DYNC1I2: variants seen among roughly 807,000 people sequenced by gnomAD.
DYNC1I2 encodes cytoplasmic dynein 1 intermediate chain 2.
A neutral mutation model predicts 88.6 loss-of-function variants in DYNC1I2; 53 were observed. The ratio of observed to expected loss-of-function variants is 0.60; its 90% CI spans 0.48 to 0.75. The LOEUF (loss-of-function observed/expected upper bound fraction) is 0.75. DYNC1I2 is among the 30% of genes least tolerant of loss of function. The pLI, the probability that DYNC1I2 is intolerant of heterozygous loss-of-function variation, is 0.00. For missense variants in DYNC1I2, 458 were observed against 766.6 expected (o/e 0.60, Z 4.75); for synonymous variants, 198 against 254.6 (o/e 0.78, Z 2.12).
chr2:171,716,014 T>C (rs1378318078), intron 7 of DYNC1I2, among the ~76,000 whole-genome samples: 1 of 152,170 alleles, frequency 6.6e-6, no homozygotes. Flanking sequence ...GGAGACCCTT[T>C]GGTTCTTAAA....
chr2:171,727,679 T>G, intron 11 of DYNC1I2, 142 bp from the exon 12 acceptor site: 3 of 633,516 alleles, frequency 4.7e-6, no homozygotes, highest in Non-Finnish European at 7.2e-6. Flanking sequence ...GTGAAAACTT[T>G]TAATTAATTT....
chr2:171,728,594 T>G, intron 13 of DYNC1I2, 123 bp from the exon 14 acceptor site: 1 of 982,128 alleles, frequency 1.0e-6, no homozygotes, highest in Non-Finnish European at 1.4e-6. Flanking sequence ...TGAAACCTGC[T>G]TCATTTAATT....
intron 4 of DYNC1I2, 150 bp downstream of exon 4, chr2:171,706,714 C>A: frequency 1.5e-6 from 1 of 645,444 alleles, no homozygotes; most frequent in South Asian, 2.3e-5. Flanking sequence ...GGAGCCATTC[C>A]TTTAGCTGCA....
intron 3 of DYNC1I2, among the ~76,000 whole-genome samples, chr2:171,700,508 T>C (rs938116390): frequency 6.6e-6 from 1 of 152,224 alleles, no homozygotes; most frequent in African/African-American, 2.4e-5. Flanking sequence ...AAAGGCATTT[T>C]AATAGAGTTT....
intron 3 of DYNC1I2, among the ~76,000 whole-genome samples, chr2:171,700,337 G>A (rs1032087033): frequency 2.0e-5 from 3 of 152,174 alleles, no homozygotes; most frequent in African/African-American, 7.2e-5. Context: ...AGATTTGGAA[G>A]TCACAAAGCA....
At chr2:171,729,683 T>C in intron 14 of DYNC1I2, 26 bp from the exon 15 acceptor site, 1 of 1,611,382 alleles carries the variant, frequency 6.2e-7, no homozygotes, top group Non-Finnish European at 8.5e-7. Flanking sequence ...GAGACTTCTC[T>C]AACATTTTCA....
At chr2:171,706,471 A>G (rs887405127) in intron 3 of DYNC1I2, 76 bp from the exon 4 acceptor site, 2 of 1,260,838 alleles carry the variant, frequency 1.6e-6, no homozygotes, top group South Asian at 1.2e-5. Context: ...TTTATATACT[A>G]TGAAAAATGT....
rs1012928958 is a variant in DYNC1I2 at position 171,729,747 on chromosome 2, G to A, written c.1430G>A (p.Gly477Glu). The change falls in exon 15 of 18, where the codon GGA (glycine) becomes GAA (glutamate). Residue 477 changes from glycine (G) to glutamate (E), a missense_variant. Gly to Glu is a moderately conservative substitution (Grantham distance 98). This residue lies in a region of DYNC1I2 where 188 missense variants were observed against 300.4 expected (regional missense o/e 0.63). Transcript: ENST00000397119. ...AGTGAGATGTTTGAGGGGCATCAAG[G>A]ACCAATCACTGGCATCCATTGTCAT... ...GISEMFEGHQ[G>E]PITGIHCHAA... The A allele has an allele frequency of 2.5e-6, 4 of 1,612,882 alleles. No homozygotes were observed. The African/African-American group carries it at 4.0e-5, about 16-fold the overall frequency.
At chr2:171,699,833 G>A (rs1686104380) in intron 3 of DYNC1I2, among the ~76,000 whole-genome samples, 1 of 151,726 alleles carries the variant, frequency 6.6e-6, no homozygotes, top group African/African-American at 2.4e-5. Context: ...TATAGATGGG[G>A]TCTCGCTATG....
chr2:171,700,187 T>C (rs559698904), intron 3 of DYNC1I2, among the ~76,000 whole-genome samples: 4 of 152,330 alleles, frequency 2.6e-5, no homozygotes, highest in Admixed American at 1.3e-4. Context: ...TGGTTGCTAG[T>C]GGGACAGCTG....
chr2:171,743,204 A>G (rs1689563886), intron 15 of DYNC1I2, among the ~76,000 whole-genome samples: 1 of 152,210 alleles, frequency 6.6e-6, no homozygotes, highest in Non-Finnish European at 1.5e-5. Context: ...AATCATAAAG[A>G]AGAGAAAATA....
intron 7 of DYNC1I2, among the ~76,000 whole-genome samples, chr2:171,716,747 A>G (rs1687521622): frequency 6.6e-6 from 1 of 152,018 alleles, no homozygotes; most frequent in African/African-American, 2.4e-5. Flanking sequence ...CTCTACTAAA[A>G]CTACAAAAAT....
Position 171,729,839 on chromosome 2 carries a change from C to G in DYNC1I2, c.1522C>G (p.Leu508Val). ...TTCATCGTTTGACTGGACAGTAAAG[C>G]TTTGGACAACTAAGGTATCTAAAAT... The part of the protein sequence containing the change: ...VTSSFDWTVK[L>V]WTTKNNKPLY... The change falls in exon 15 of 18, where the codon CTT (leucine) becomes GTT (valine). Residue 508 changes from leucine (L) to valine (V), a missense_variant. Physicochemically the swap from Leu to Val is conservative, Grantham distance 32 (BLOSUM62 1). Coordinates refer to ENST00000397119, the MANE Select transcript of DYNC1I2 (RefSeq NM_001378.3). The G allele has an allele frequency of 6.2e-7, 1 of 1,613,628 alleles. No individual in the cohort carries two copies. The highest frequency in any genetic ancestry group is 8.5e-7 in the Non-Finnish European group (1 of 1,179,640).
intron 15 of DYNC1I2, among the ~76,000 whole-genome samples, chr2:171,739,436 C>T (rs1689241684): frequency 6.6e-6 from 1 of 151,966 alleles, no homozygotes; most frequent in Admixed American, 6.6e-5. Context: ...TAACACATGA[C>T]CAATCTTGTC....
At chr2:171,747,543 T>C (rs575096026) in intron 17 of DYNC1I2, among the ~76,000 whole-genome samples, 1 of 152,260 alleles carries the variant, frequency 6.6e-6, no homozygotes, top group Admixed American at 6.5e-5. Flanking sequence ...CTCTCTTGCA[T>C]TGGTGGTGAT....
At chr2:171,743,637 TC>T (rs1470586133) in intron 15 of DYNC1I2, among the ~76,000 whole-genome samples, 2 of 152,230 alleles carry the variant, frequency 1.3e-5, no homozygotes, top group African/African-American at 4.8e-5. Flanking sequence ...GAAGTTTGTC[TC>T]CTGATTCTGC....
intron 7 of DYNC1I2, among the ~76,000 whole-genome samples, chr2:171,717,738 G>A (rs1342878514): frequency 6.6e-6 from 1 of 152,042 alleles, no homozygotes. Context: ...TGTTAACTCA[G>A]AAAGTGACCA....
intron 17 of DYNC1I2, among the ~76,000 whole-genome samples, chr2:171,746,661 A>G (rs1165378321): frequency 6.6e-6 from 1 of 152,192 alleles, no homozygotes; most frequent in African/African-American, 2.4e-5. Context: ...ACCTGCACTA[A>G]TATGGTAGCT....
chr2:171,702,721 T>G (rs1574526350), intron 3 of DYNC1I2, among the ~76,000 whole-genome samples: 3 of 152,200 alleles, frequency 2.0e-5, no homozygotes, highest in African/African-American at 7.2e-5. Flanking sequence ...TAACTTTTCT[T>G]TGCTGGTAGT....
Sources: allele counts gnomAD v4.1 joint callset (sites outside exome capture counted in the v4.1 genomes callset), GRCh38; gene constraint gnomAD v4.1.1; regional missense constraint gnomAD v4.1.1; transcripts MANE v1.5; gene names NCBI Gene and HGNC (gene_info 2026-07-23, HGNC 2026-07-21).